Variants in PCID2 observed in about 807,000 individuals in gnomAD.
The protein encoded by PCID2 is PCI domain containing 2.
In PCID2, 41 loss-of-function variants were observed where a neutral mutation model predicts 61.3. The ratio of observed to expected loss-of-function variants is 0.67; its 90% CI spans 0.52 to 0.87. The LOEUF (loss-of-function observed/expected upper bound fraction) is 0.87. Ranked by LOEUF, PCID2 falls within the 40% of genes least tolerant of loss-of-function variation. The probability of loss-of-function intolerance (pLI) is 0.00; values close to 1 mark genes in which losing one functional copy is unlikely to be tolerated. For missense variants in PCID2, 392 were observed against 493.4 expected (o/e 0.79, Z 1.95); for synonymous variants, 187 against 177.8 (o/e 1.05, Z -0.41).
intron 3 of PCID2, among the ~76,000 whole-genome samples, chr13:113,197,966 C>T (rs577244499): frequency 6.6e-6 from 1 of 152,306 alleles, no homozygotes. Context: ...AAAAAGACCA[C>T]TAAGCAGGCA....
Position 113,184,295 on chromosome 13 carries a change from A to G in PCID2, c.685+51T>C, listed in dbSNP as rs373651035. Reference sequence around the variant, plus strand: ...GAAACTATATTATTCAAAGTTGTTCAGAATGCAATGTCTTATTTAAAATAC... The same window carrying G: ...GAAACTATATTATTCAAAGTTGTTCGGAATGCAATGTCTTATTTAAAATAC... On this transcript the variant is annotated intron_variant, in intron 9 of 13. Transcript: ENST00000337344. 1.5e-4 allele frequency: 228 copies of G among 1,485,890 alleles called. 3 individuals are homozygous for G. The highest frequency in any genetic ancestry group is 2.8e-5 in the African/African-American group (2 of 72,160). 92.0% of individuals were successfully genotyped at this position (1,485,890 alleles called of 1,614,324 possible).
chr13:113,205,806 C>T (rs1186038686), intron 1 of PCID2, among the ~76,000 whole-genome samples: 1 of 152,132 alleles, frequency 6.6e-6, no homozygotes, highest in Non-Finnish European at 1.5e-5. Context: ...GACAAGCGCT[C>T]GGGAGGGAGG....
intron 1 of PCID2, among the ~76,000 whole-genome samples, chr13:113,206,636 G>A (rs2039858816): frequency 6.6e-6 from 1 of 152,164 alleles, no homozygotes; most frequent in Non-Finnish European, 1.5e-5. Flanking sequence ...ATGTATAACC[G>A]GTTGCCATTC....
At chr13:113,184,571 A>C in intron 8 of PCID2, 84 bp from the exon 9 acceptor site, 1 of 760,856 alleles carries the variant, frequency 1.3e-6, no homozygotes, top group Non-Finnish European at 2.2e-6. Flanking sequence ...GTCTCCTTAA[A>C]ATGCAAATTA....
At chr13:113,165,297 TAACTAATACAAA>T in the PCID2 span, 1 of 693,240 alleles carries the variant, frequency 1.4e-6, no homozygotes, top group Non-Finnish European at 2.6e-6. Context: ...GCCGAGTTCA[TAACTAATACAAA>T]AGGACAGCAT....
intron 7 of PCID2, among the ~76,000 whole-genome samples, chr13:113,190,327 T>C (rs2038507179): frequency 6.6e-6 from 1 of 150,742 alleles, no homozygotes; most frequent in African/African-American, 2.4e-5. Flanking sequence ...AGACCCATTC[T>C]ATACAGGGAA....
In PCID2 at chr13:113,185,517, G is replaced by A. The variant is rs765457139; in HGVS notation, c.511C>T (p.Leu171=). The change falls in exon 8 of 14, where the codon CTG becomes TTG. Residue 171 remains leucine (L), a synonymous_variant. Transcript: ENST00000337344. ...EDSKKWGMLF[L]VNQLFKIYFK... ...TAGATTTTAAACAGCTGGTTCACCA[G>A]AAACAGCATGCCCCACTTCTTAGAG... is the stretch of plus-strand genomic sequence containing the variant. The A allele has an allele frequency of 1.2e-5, 20 of 1,613,170 alleles. No individual in the cohort carries two copies. Among genetic ancestry groups the A allele is most frequent in the Non-Finnish European group, 1.4e-5 (17 of 1,179,236 alleles).
Position 113,185,537 on chromosome 13 carries a change from T to C in PCID2, c.491A>G (p.Lys164Arg). The part of the protein sequence containing the change: ...SDTRAGIEDS[K>R]KWGMLFLVNQ... ...CACCAGAAACAGCATGCCCCACTTC[T>C]TAGAGTCCTCTATACCAGCACGGCT... Residue 164 changes from lysine to arginine, a missense_variant, in exon 8 of 14, where the codon AAG (lysine) becomes AGG (arginine). Physicochemically the swap from Lys to Arg is conservative, Grantham distance 26 (BLOSUM62 2). Around this residue, in one of 3 missense-constraint regions of PCID2, gnomAD observed 226 missense variants for 296.5 expected, o/e 0.76. Transcript: ENST00000337344. 2.5e-6 allele frequency: 4 copies of C among 1,612,102 alleles called. No homozygotes were observed. The highest frequency in any genetic ancestry group is 3.4e-6 in the Non-Finnish European group (4 of 1,178,132).
At chr13:113,172,276 C>A in the PCID2 span, 2 of 850,214 alleles carry the variant, frequency 2.4e-6, no homozygotes, top group Admixed American at 4.3e-5. Flanking sequence ...GGTTGTTTAC[C>A]GAGCACTGTG....
At position 113,179,805 on chromosome 13, in the gene PCID2, T is replaced by TAACG; in HGVS notation, c.986+108_986+111dup. 9.3e-7 allele frequency: 1 copy of TAACG among 1,077,752 alleles called. No individual in the cohort carries two copies. Among genetic ancestry groups the TAACG allele is most frequent in the Non-Finnish European group, 1.3e-6 (1 of 752,426 alleles). The allele number at this position is 1,077,752 out of a possible 1,614,324, so 66.8% of individuals were successfully genotyped here. ...TTTATCCCACACAATGGAAGGAAGA[T>TAACG]AACGACCCCACCCACACGGTGGCCT... is the stretch of plus-strand genomic sequence containing the variant. On this transcript the variant is annotated intron_variant, in intron 12 of 13. Transcript: ENST00000337344. This position sits in a 1 kb window ranked among gnomAD's most constrained non-coding sequence, Gnocchi z 4.3.
In PCID2 at chr13:113,179,734, C is replaced by G. The variant is rs529410842; in HGVS notation, c.986+183G>C. 4.9e-4 allele frequency among the ~76,000 whole-genome samples: 75 copies of G among 152,290 alleles called. No individual in the cohort carries two copies. Among genetic ancestry groups the G allele is most frequent in the African/African-American group, 1.7e-3 (69 of 41,552 alleles). ...GTCCAGGCACAGCTTGTGCTACTCA[C>G]GTGTCTCGCGCAGGGTCCCCAGGAG... On this transcript the variant is annotated intron_variant, in intron 12 of 13. Coordinates refer to ENST00000337344, the MANE Select transcript of PCID2 (RefSeq NM_001127202.4). The surrounding 1 kb of genome is among the most constrained non-coding windows in gnomAD (Gnocchi z 4.3).
At chr13:113,180,363 ACAT>A in intron 10 of PCID2, 132 bp from the exon 11 acceptor site, 1 of 670,878 alleles carries the variant, frequency 1.5e-6, no homozygotes, top group Non-Finnish European at 2.6e-6. Context: ...TGGATTAAAC[ACAT>A]CATAGTACAC....
chr13:113,182,324 C>T (rs2037714648), intron 9 of PCID2, among the ~76,000 whole-genome samples: 1 of 152,126 alleles, frequency 6.6e-6, no homozygotes, highest in Non-Finnish European at 1.5e-5. Context: ...TTCCAAACCA[C>T]AAAGCCATGA....
downstream of PCID2, among the ~76,000 whole-genome samples, chr13:113,175,922 G>C (rs1185303896): frequency 6.6e-6 from 1 of 152,236 alleles, no homozygotes; most frequent in South Asian, 2.1e-4. Flanking sequence ...CCCACCCACA[G>C]CCCTGCTGAG....
At chr13:113,191,461 C>A (rs980949971) in intron 6 of PCID2, among the ~76,000 whole-genome samples, 7 of 152,214 alleles carry the variant, frequency 4.6e-5, no homozygotes, top group African/African-American at 1.7e-4. Context: ...TACTCCAATT[C>A]TTTCACAAAC....
intron 3 of PCID2, among the ~76,000 whole-genome samples, chr13:113,197,560 T>C (rs3794419): frequency 0.19 from 28,837 of 152,196 alleles, 3,502 homozygotes; most frequent in South Asian, 0.44. Context: ...AGCTGGGTAA[T>C]GTCAGTGTTA....
chr13:113,171,442 A>G, the PCID2 span: 4 of 863,298 alleles, frequency 4.6e-6, no homozygotes, highest in South Asian at 6.6e-5. This position sits in a 1 kb window ranked among gnomAD's most constrained non-coding sequence, Gnocchi z 5.1. Flanking sequence ...TGTCCGCAGA[A>G]AGGCACAGTG....
rs1364079362 is a variant in PCID2, at chr13:113,182,157, G to A, written c.686-927C>T. Among the ~76,000 whole-genome samples the A allele has an allele frequency of 2.0e-5, 3 of 152,186 alleles. No homozygotes were observed. The East Asian group carries it at 5.8e-4, about 29-fold the overall frequency. On this transcript the variant is annotated intron_variant, in intron 9 of 13. Transcript: ENST00000337344. ...CAGAGGCCCTCCCTTATGCAGAATG[G>A]GTCACCAGAAGCAGCAGGCCCTGGG... is the stretch of plus-strand genomic sequence containing the variant.
chr13:113,198,172 TTCC>T lies in PCID2; in HGVS notation c.200+16_200+18del, dbSNP rs1169606859. On this transcript the variant is annotated intron_variant, in intron 3 of 13. Coordinates refer to ENST00000337344, the MANE Select transcript of PCID2 (RefSeq NM_001127202.4). ...CAATTTCCAGATGTGTGTGTTTTTC[TTCC>T]TCCCCAACAGATTACCTTAAATGAG... The T allele has an allele frequency of 1.3e-6, 2 of 1,537,446 alleles. No homozygotes were observed. Among genetic ancestry groups the T allele is most frequent in the African/African-American group, 2.8e-5 (2 of 71,840 alleles).
Sources: gnomAD v4.1 joint callset for allele counts (sites outside exome capture counted in the v4.1 genomes callset) on GRCh38, gnomAD v4.1.1 for gene constraint, gnomAD v4.1.1 regional missense constraint, Gnocchi (gnomAD v3.1) non-coding constraint, MANE v1.5 for transcripts, NCBI Gene and HGNC (gene_info 2026-07-23, HGNC 2026-07-21) for gene names.